ACYP2: variants seen among roughly 807,000 people sequenced by gnomAD.
ACYP2 encodes acylphosphatase-2.
A neutral mutation model predicts 11.2 loss-of-function variants in ACYP2; 12 were observed. That is an observed-to-expected ratio of 1.08 (90% CI 0.69 to 1.74). The LOEUF is 1.74. Among genes scored for constraint, ACYP2 ranks in the 40% most tolerant of loss-of-function variants. The pLI, the probability that ACYP2 is intolerant of heterozygous loss-of-function variation, is 0.00. For synonymous variants in ACYP2, 43 were observed against 32.2 expected (o/e 1.33, Z -1.13); for missense variants, 134 against 101.9 (o/e 1.31, Z -1.35).
chr2:53,984,114 A>G (rs1266984674), intron 2 of ACYP2, among the ~76,000 whole-genome samples: 1 of 152,148 alleles, frequency 6.6e-6, no homozygotes, highest in Admixed American at 6.6e-5. Context: ...TACCCAGCAC[A>G]TTGAAGAGGC....
At chr2:54,170,867 G>A (rs941702478) in intron 6 of ACYP2, among the ~76,000 whole-genome samples, 1 of 152,138 alleles carries the variant, frequency 6.6e-6, no homozygotes, top group African/African-American at 2.4e-5. Context: ...GCATCCATCT[G>A]CAGGTCTCAG....
chr2:54,239,531 TCTC>T (rs1686641179), intron 6 of ACYP2, among the ~76,000 whole-genome samples: 1 of 152,126 alleles, frequency 6.6e-6, no homozygotes, highest in Non-Finnish European at 1.5e-5. Flanking sequence ...CCATCCCACT[TCTC>T]CTCCCATTTC....
intron 6 of ACYP2, among the ~76,000 whole-genome samples, chr2:54,181,980 T>C (rs754802668): frequency 5.3e-5 from 8 of 151,806 alleles, no homozygotes; most frequent in Non-Finnish European, 7.4e-5. Context: ...TACTTATTTA[T>C]GTGTCAGTAC....
At chr2:54,247,217 C>T (rs964744876) in intron 6 of ACYP2, among the ~76,000 whole-genome samples, 1 of 152,168 alleles carries the variant, frequency 6.6e-6, no homozygotes, top group Non-Finnish European at 1.5e-5. Context: ...CTTCTCATCT[C>T]ACTTCTGGGA....
intron 6 of ACYP2, among the ~76,000 whole-genome samples, chr2:54,292,122 C>G (rs750642251): frequency 1.3e-5 from 2 of 152,190 alleles, no homozygotes; most frequent in Non-Finnish European, 2.9e-5. Flanking sequence ...AGCAATCCTC[C>G]TGCCTCGGAC....
chr2:53,990,631 A>C (rs1170731720), intron 2 of ACYP2, among the ~76,000 whole-genome samples: 2 of 149,226 alleles, frequency 1.3e-5, no homozygotes, highest in African/African-American at 2.5e-5. Context: ...CCTGGGAGAC[A>C]AGAGCAAAAC....
chr2:54,115,753 C>A, intron 4 of ACYP2: 1 of 1,610,406 alleles, frequency 6.2e-7, no homozygotes, highest in Non-Finnish European at 8.5e-7. Flanking sequence ...CGGAAGAGTG[C>A]AGGGTAGGAG....
intron 4 of ACYP2, chr2:54,085,125 T>A (rs1260547334): frequency 6.6e-6 from 1 of 152,178 alleles, no homozygotes; most frequent in African/African-American, 2.4e-5. Context: ...AGAAAAAAAA[T>A]CATTCCTGGA....
intron 2 of ACYP2, among the ~76,000 whole-genome samples, chr2:54,029,089 T>C (rs1182688500): frequency 6.6e-6 from 1 of 152,056 alleles, no homozygotes; most frequent in Non-Finnish European, 1.5e-5. Context: ...GGCTTCAGCC[T>C]GGAAAGCTGA....
intron 2 of ACYP2, among the ~76,000 whole-genome samples, chr2:54,016,279 T>C (rs1046913125): frequency 5.9e-5 from 9 of 152,116 alleles, no homozygotes; most frequent in South Asian, 2.1e-4. Flanking sequence ...AAAAAAAATA[T>C]GTAGCCTTGC....
intron 2 of ACYP2, among the ~76,000 whole-genome samples, chr2:53,974,675 G>A (rs1355081891): frequency 6.6e-6 from 1 of 152,112 alleles, no homozygotes; most frequent in African/African-American, 2.4e-5. Flanking sequence ...GTATATACTA[G>A]TGACATACTA....
chr2:54,179,883 G>T (rs922385584), intron 6 of ACYP2, among the ~76,000 whole-genome samples: 3 of 152,150 alleles, frequency 2.0e-5, no homozygotes, highest in Admixed American at 2.0e-4. Flanking sequence ...ATTCAAGATG[G>T]AATTTTTCTA....
chr2:54,203,230 G>A lies in ACYP2; in HGVS notation c.404+64482G>A, dbSNP rs1386253795. On this transcript the variant is annotated intron_variant, in intron 6 of 6. Transcript: ENST00000607452. ...AATATTTATTCTTCTTGAAGATACT[G>A]TAAATGGAATTATTTGCTTAATTTT... 5.3e-5 allele frequency among the ~76,000 whole-genome samples: 8 copies of A among 151,982 alleles called. No homozygotes were observed. In the East Asian group the frequency reaches 1.5e-3, roughly 29 times the overall value.
At chr2:54,223,612 T>A (rs1572957825) in intron 6 of ACYP2, among the ~76,000 whole-genome samples, 1 of 152,202 alleles carries the variant, frequency 6.6e-6, no homozygotes, top group East Asian at 1.9e-4. Context: ...GATTTCCACT[T>A]CTGGATAAGC....
intron 6 of ACYP2, among the ~76,000 whole-genome samples, chr2:54,242,309 T>C (rs765214087): frequency 2.6e-5 from 4 of 152,226 alleles, no homozygotes; most frequent in Non-Finnish European, 4.4e-5. Flanking sequence ...CTTTGAGAAT[T>C]AAGTAATCCT....
intron 6 of ACYP2, among the ~76,000 whole-genome samples, chr2:54,290,134 C>T (rs1689236135): frequency 6.6e-6 from 1 of 152,070 alleles, no homozygotes; most frequent in African/African-American, 2.4e-5. Context: ...AGGACTTGCA[C>T]ATTCCTCTCG....
chr2:54,194,703 T>A (rs557478008), intron 6 of ACYP2, among the ~76,000 whole-genome samples: 2 of 152,338 alleles, frequency 1.3e-5, no homozygotes, highest in African/African-American at 4.8e-5. Context: ...AAACACTTTC[T>A]GTTGCTTTGT....
intron 2 of ACYP2, among the ~76,000 whole-genome samples, chr2:54,043,728 A>G (rs1324988521): frequency 1.3e-5 from 2 of 152,146 alleles, no homozygotes; most frequent in African/African-American, 2.4e-5. Context: ...GGTTACTTAT[A>G]TGTATCCAGA....
chr2:54,058,381 T>G (rs1247737866), intron 4 of ACYP2, among the ~76,000 whole-genome samples: 2 of 151,996 alleles, frequency 1.3e-5, no homozygotes, highest in East Asian at 3.9e-4. Flanking sequence ...TCTTCAGTAG[T>G]TTTTCCTGAT....
Sources: allele counts gnomAD v4.1 joint callset (sites outside exome capture counted in the v4.1 genomes callset), GRCh38; gene constraint gnomAD v4.1.1; transcripts MANE v1.5; gene names NCBI Gene and HGNC (gene_info 2026-07-23, HGNC 2026-07-21).